OXR1: variants seen among roughly 807,000 people sequenced by gnomAD.
The protein encoded by OXR1 is oxidation resistance protein 1.
In OXR1, 41 loss-of-function variants were observed where a neutral mutation model predicts 104.6. The observed-to-expected ratio is 0.39, with a 90% CI of 0.31 to 0.51. The LOEUF is 0.51. Ranked by LOEUF, OXR1 falls within the 20% of genes least tolerant of loss-of-function variation. OXR1 has a pLI of 0.77. For synonymous variants in OXR1, 348 were observed against 348.4 expected, an observed-to-expected ratio of 1.00 and a Z score of 0.01; for missense variants, 955 against 1,031.9, an observed-to-expected ratio of 0.93 and a Z score of 1.02.
At chr8:106,627,710 T>C (rs904146671) in intron 3 of OXR1, among the ~76,000 whole-genome samples, 1 of 152,190 alleles carries the variant, frequency 6.6e-6, no homozygotes, top group East Asian at 1.9e-4. Flanking sequence ...ACCTACTCTT[T>C]TTTCGGAGAT....
At chr8:106,519,308 A>G (rs2130111148) in intron 3 of OXR1, among the ~76,000 whole-genome samples, 169 bp downstream of exon 3, 1 of 152,322 alleles carries the variant, frequency 6.6e-6, no homozygotes, top group South Asian at 2.1e-4. Flanking sequence ...ATGGAAAACT[A>G]CTGAAAAACT....
At chr8:106,311,025 C>T (rs1587737) in intron 1 of OXR1, among the ~76,000 whole-genome samples, 13,144 of 152,098 alleles carry the variant, frequency 0.086, 652 homozygotes, top group African/African-American at 0.13. Context: ...TTCTGTTTGA[C>T]ATTTCTGGAG....
intron 11 of OXR1, among the ~76,000 whole-genome samples, chr8:106,730,817 C>CT (rs2131520243): frequency 6.6e-6 from 1 of 151,530 alleles, no homozygotes; most frequent in East Asian, 1.9e-4. Context: ...AATATCAACA[C>CT]TTTAGGAGGC....
intron 6 of OXR1, among the ~76,000 whole-genome samples, chr8:106,689,925 C>T (rs142294685): frequency 2.0e-5 from 3 of 151,802 alleles, no homozygotes; most frequent in Non-Finnish European, 4.4e-5. Flanking sequence ...TTAAATATCG[C>T]CTGTGCTTCA....
intron 2 of OXR1, among the ~76,000 whole-genome samples, chr8:106,430,322 T>A (rs1819311042): frequency 6.6e-6 from 1 of 152,208 alleles, no homozygotes; most frequent in South Asian, 2.1e-4. Context: ...GTTATGTTTA[T>A]CCTGTGCTTT....
chr8:106,597,891 C>G (rs1819652290), intron 3 of OXR1, among the ~76,000 whole-genome samples: 1 of 152,210 alleles, frequency 6.6e-6, no homozygotes, highest in African/African-American at 2.4e-5. Context: ...TAGCTACTTC[C>G]TTTCACTATT....
At position 106,299,577 on chromosome 8, in the gene OXR1, G is replaced by A. The variant is rs114675084; in HGVS notation, c.-139+29210G>A. 9.8e-3 allele frequency among the ~76,000 whole-genome samples: 1,486 copies of A among 152,150 alleles called. 19 individuals are homozygous for A. The highest frequency in any genetic ancestry group is 0.033 in the African/African-American group (1,354 of 41,512). Reference sequence around the variant, plus strand: ...CCAGGTGGTTGGGGTGATGTTGATAGTAACAGAATCTTGCTTTGTGGCATT... The same window carrying A: ...CCAGGTGGTTGGGGTGATGTTGATAATAACAGAATCTTGCTTTGTGGCATT... On this transcript the variant is annotated intron_variant, in intron 1 of 16. Coordinates refer to ENST00000517566, the MANE Select transcript of OXR1 (RefSeq NM_001198533.2).
At chr8:106,323,933 A>G (rs1263972512) in intron 1 of OXR1, among the ~76,000 whole-genome samples, 1 of 152,214 alleles carries the variant, frequency 6.6e-6, no homozygotes, top group Non-Finnish European at 1.5e-5. Flanking sequence ...TCGTTCAACC[A>G]TTGTGGAAAG....
intron 3 of OXR1, among the ~76,000 whole-genome samples, chr8:106,644,896 G>A (rs1035615322): frequency 1.3e-5 from 2 of 152,264 alleles, no homozygotes; most frequent in African/African-American, 4.8e-5. Flanking sequence ...GAATCTCTGC[G>A]TATAGTTGGA....
intron 11 of OXR1, among the ~76,000 whole-genome samples, chr8:106,719,332 G>C (rs1277998129): frequency 8.5e-5 from 13 of 152,126 alleles, no homozygotes; most frequent in African/African-American, 2.9e-4. Flanking sequence ...TCGCACTTTT[G>C]TTCAATAAAT....
intron 7 of OXR1, among the ~76,000 whole-genome samples, chr8:106,697,180 C>A (rs566281744): frequency 6.6e-6 from 1 of 152,100 alleles, no homozygotes; most frequent in Non-Finnish European, 1.5e-5. Context: ...AAATTTTGAT[C>A]CCAGGGGAAA....
chr8:106,417,187 A>G (rs1563512072), intron 2 of OXR1, among the ~76,000 whole-genome samples: 1 of 152,114 alleles, frequency 6.6e-6, no homozygotes, highest in African/African-American at 2.4e-5. Context: ...TCACTATAAT[A>G]GTACCTATGT....
At chr8:106,411,176 T>A (rs556542507) in intron 2 of OXR1, among the ~76,000 whole-genome samples, 3 of 152,256 alleles carry the variant, frequency 2.0e-5, no homozygotes, top group African/African-American at 7.2e-5. Flanking sequence ...AACTGCCCTA[T>A]GAAAGTGACA....
intron 3 of OXR1, among the ~76,000 whole-genome samples, chr8:106,617,018 G>A (rs1210097367): frequency 6.6e-6 from 1 of 152,316 alleles, no homozygotes; most frequent in South Asian, 2.1e-4. Flanking sequence ...AGAAGGAAAG[G>A]CAGTTTTCCA....
chr8:106,745,224 A>T (rs1406343395), intron 15 of OXR1, among the ~76,000 whole-genome samples: 2 of 152,340 alleles, frequency 1.3e-5, no homozygotes, highest in East Asian at 3.8e-4. Context: ...AAAGATATTT[A>T]AGAATATTCA....
chr8:106,604,436 G>T (rs1820212229), intron 3 of OXR1, among the ~76,000 whole-genome samples: 1 of 152,128 alleles, frequency 6.6e-6, no homozygotes, highest in African/African-American at 2.4e-5. Flanking sequence ...GATTACAAGT[G>T]TGAGCCACCC....
intron 2 of OXR1, among the ~76,000 whole-genome samples, chr8:106,426,753 T>C (rs1225714262): frequency 1.3e-5 from 2 of 152,178 alleles, no homozygotes; most frequent in Non-Finnish European, 2.9e-5. Flanking sequence ...ATTTTAGGAT[T>C]AAATGAAAGT....
At chr8:106,440,028 CTGAATTGACCTT>C (rs1819722092) in intron 2 of OXR1, among the ~76,000 whole-genome samples, 1 of 152,058 alleles carries the variant, frequency 6.6e-6, no homozygotes, top group African/African-American at 2.4e-5. Flanking sequence ...GAAAATTTCA[CTGAATTGACCTT>C]TTATTTCATC....
chr8:106,551,864 G>GTACATATA (rs1563599776), intron 3 of OXR1, among the ~76,000 whole-genome samples: 3 of 95,078 alleles, frequency 3.2e-5, no homozygotes, highest in South Asian at 2.9e-4. Context: ...ATATATATGT[G>GTACATATA]TGTGTGTGTG....
Sources: allele counts gnomAD v4.1 joint callset (sites outside exome capture counted in the v4.1 genomes callset), GRCh38; gene constraint gnomAD v4.1.1; transcripts MANE v1.5; gene names NCBI Gene and HGNC (gene_info 2026-07-23, HGNC 2026-07-21).